Variants in TNRC6B observed in about 807,000 individuals in gnomAD.
The protein encoded by TNRC6B is trinucleotide repeat containing adaptor 6B.
Under a neutral mutation model 203.6 loss-of-function variants are expected in TNRC6B, and 52 were observed. The ratio of observed to expected loss-of-function variants is 0.26; its 90% confidence interval spans 0.20 to 0.32. The LOEUF (loss-of-function observed/expected upper bound fraction) is 0.32, where lower values mean the gene tolerates loss of function less well. Ranked by LOEUF, TNRC6B falls within the 10% of genes least tolerant of loss-of-function variation. The pLI, the probability that TNRC6B is intolerant of heterozygous loss-of-function variation, is 1.00. For synonymous variants in TNRC6B, 838 were observed against 845.7 expected, an observed-to-expected ratio of 0.99 and a Z score of 0.16; for missense variants, 1,923 against 2,286.2, an observed-to-expected ratio of 0.84 and a Z score of 3.24.
chr22:40,081,691 T>A (rs1488385033), intron 1 of TNRC6B, among the ~76,000 whole-genome samples: 1 of 152,236 alleles, frequency 6.6e-6, no homozygotes, highest in African/African-American at 2.4e-5. Flanking sequence ...TATAGGGTTC[T>A]TGTGAACTAA....
At position 40,330,094 on chromosome 22, in the gene TNRC6B, T is replaced by C. The variant is rs2146592069; in HGVS notation, c.*6853T>C. ...TAAAGCACTTTGTGCCTCAACTTCA[T>C]TTTTAAACTGTAAATCATTGCTTTG... On this transcript the variant is annotated 3_prime_UTR_variant, in exon 23 of 23. Coordinates refer to ENST00000454349, the MANE Select transcript of TNRC6B (RefSeq NM_001162501.2). 1 of 152,362 alleles carries C rather than the reference T, an allele frequency of 6.6e-6. No homozygotes were observed. Among genetic ancestry groups the C allele is most frequent in the Non-Finnish European group, 1.5e-5 (1 of 68,034 alleles). 9.4% of individuals were successfully genotyped at this position (152,362 alleles called of 1,614,324 possible). A position where few individuals can be genotyped will look rare whatever the true frequency, so the allele number is the denominator to read the frequency against.
Position 40,323,026 on chromosome 22 carries a change from C to T in TNRC6B, c.5287C>T (p.Leu1763=), listed in dbSNP as rs1027251530. 1 of 1,603,924 alleles carries T rather than the reference C, an allele frequency of 6.2e-7. No individual in the cohort carries two copies. The highest frequency in any genetic ancestry group is 8.5e-7 in the Non-Finnish European group (1 of 1,174,908). The change falls in exon 23 of 23, where the codon CTG becomes TTG. Residue 1763 remains leucine (L), a synonymous_variant. Coordinates refer to ENST00000454349, the MANE Select transcript of TNRC6B (RefSeq NM_001162501.2). ...CCAGTCAGATCCCGTGGGACCTGCT[C>T]TGAATCTTTTTGGTGGGTCCACTGG... The part of the protein sequence containing the change: ...QNQSDPVGPA[L]NLFGGSTGLG...
chr22:40,278,089 A>G, intron 9 of TNRC6B, 45 bp downstream of exon 9: 3 of 1,503,864 alleles, frequency 2.0e-6, no homozygotes, highest in Non-Finnish European at 2.7e-6. Context: ...TCAGTGTTAC[A>G]GTGTCCTTTT....
chr22:40,195,919 G>T (rs146352813), intron 1 of TNRC6B, among the ~76,000 whole-genome samples: 4 of 152,030 alleles, frequency 2.6e-5, no homozygotes, highest in Non-Finnish European at 4.4e-5. Flanking sequence ...ACAGGCGCCC[G>T]CCACCACGCC....
chr22:40,103,267 C>CAA (rs781514140), intron 1 of TNRC6B, among the ~76,000 whole-genome samples: 14 of 124,488 alleles, frequency 1.1e-4, no homozygotes, highest in African/African-American at 3.8e-4. Flanking sequence ...CACCCTGTCT[C>CAA]AAAAAAAAAA....
At chr22:40,047,373 A>T (rs1433433595) in intron 1 of TNRC6B, among the ~76,000 whole-genome samples, 1 of 152,002 alleles carries the variant, frequency 6.6e-6, no homozygotes, top group Non-Finnish European at 1.5e-5. Flanking sequence ...AGACCGAGGC[A>T]GGTGGATCAC....
chr22:40,143,639 G>A (rs1036157142), intron 3 of TNRC6B, among the ~76,000 whole-genome samples: 2 of 152,058 alleles, frequency 1.3e-5, no homozygotes, highest in Non-Finnish European at 2.9e-5. Context: ...TGGGACTACA[G>A]GCGCCCACCA....
chr22:40,103,981 G>A (rs558469565), intron 1 of TNRC6B, among the ~76,000 whole-genome samples: 8 of 150,682 alleles, frequency 5.3e-5, no homozygotes, highest in Non-Finnish European at 1.0e-4. Context: ...GGCTGGGCCC[G>A]GTGGCTCATG....
intron 4 of TNRC6B, among the ~76,000 whole-genome samples, chr22:40,159,532 G>T (rs1300780018): frequency 2.0e-5 from 3 of 151,484 alleles, no homozygotes; most frequent in Admixed American, 6.6e-5. Context: ...CCAGCAACTC[G>T]GGAGGCTGAG....
Position 40,323,384 on chromosome 22 carries a change from T to C in TNRC6B, c.*143T>C. The C allele has an allele frequency of 2.8e-6, 3 of 1,070,836 alleles. No homozygotes were observed. Among genetic ancestry groups the C allele is most frequent in the Non-Finnish European group, 3.9e-6 (3 of 769,472 alleles). The allele number at this position is 1,070,836 out of a possible 1,614,324, so 66.3% of individuals were successfully genotyped here. On this transcript the variant is annotated 3_prime_UTR_variant, in exon 23 of 23. Coordinates refer to ENST00000454349, the MANE Select transcript of TNRC6B (RefSeq NM_001162501.2). ...AACGGAGAGAAAAAAAGGTGGGTCATTGACAGACTGTCTGAGCACATAGTT... is the reference window on the plus strand; with the variant it reads ...AACGGAGAGAAAAAAAGGTGGGTCACTGACAGACTGTCTGAGCACATAGTT...
chr22:40,315,165 T>G, intron 19 of TNRC6B, 118 bp from the exon 20 acceptor site: 1 of 788,680 alleles, frequency 1.3e-6, no homozygotes, highest in Non-Finnish European at 2.1e-6. Context: ...TGTGTACTAT[T>G]ACTTTTTAGA....
chr22:40,065,996 C>G (rs1409199216), intron 1 of TNRC6B, among the ~76,000 whole-genome samples: 1 of 152,116 alleles, frequency 6.6e-6, no homozygotes, highest in Non-Finnish European at 1.5e-5. Context: ...CAGAGGGTCT[C>G]CTACAGATCT....
chr22:40,119,931 A>G (rs990390609), intron 2 of TNRC6B, among the ~76,000 whole-genome samples: 1 of 151,090 alleles, frequency 6.6e-6, no homozygotes, highest in Non-Finnish European at 1.5e-5. Context: ...AACATTGAAA[A>G]CTAAGGACAG....
chr22:40,064,329 A>G (rs550045076), intron 1 of TNRC6B, among the ~76,000 whole-genome samples: 1 of 150,534 alleles, frequency 6.6e-6, no homozygotes, highest in African/African-American at 2.4e-5. Flanking sequence ...CAGGGGGACC[A>G]CTATGATCTT....
chr22:40,318,549 A>AG (rs1490563588), intron 21 of TNRC6B, among the ~76,000 whole-genome samples: 1 of 152,036 alleles, frequency 6.6e-6, no homozygotes, highest in Non-Finnish European at 1.5e-5. Context: ...TTCATCTCAG[A>AG]GAAAAAAAAA....
At chr22:40,048,609 A>G (rs1047044614) in intron 1 of TNRC6B, among the ~76,000 whole-genome samples, 8 of 151,944 alleles carry the variant, frequency 5.3e-5, no homozygotes, top group African/African-American at 1.7e-4. Flanking sequence ...TCCCTGCAGC[A>G]GTCAATCCTT....
intron 2 of TNRC6B, among the ~76,000 whole-genome samples, chr22:40,249,559 C>T (rs2146476109): frequency 6.6e-6 from 1 of 152,290 alleles, no homozygotes; most frequent in African/African-American, 2.4e-5. Context: ...GATCATCCAG[C>T]TTCTCGCCGT....
chr22:40,173,990 G>T (rs2069032042), upstream of TNRC6B, among the ~76,000 whole-genome samples: 1 of 147,172 alleles, frequency 6.8e-6, no homozygotes, highest in African/African-American at 2.5e-5. Context: ...TTTGAGTTGG[G>T]TTTTCACCAT....
chr22:40,319,057 C>A (rs549904722), intron 21 of TNRC6B, among the ~76,000 whole-genome samples: 1 of 151,932 alleles, frequency 6.6e-6, no homozygotes, highest in Non-Finnish European at 1.5e-5. Flanking sequence ...GGTAACAGAG[C>A]GAGACGCTGT....
Sources: allele counts gnomAD v4.1 joint callset (sites outside exome capture counted in the v4.1 genomes callset), GRCh38; gene constraint gnomAD v4.1.1; transcripts MANE v1.5; gene names NCBI Gene and HGNC (gene_info 2026-07-23, HGNC 2026-07-21).